The following PRIM1 variants were observed in gnomAD, a reference collection of about 807,000 sequenced individuals.
The protein encoded by PRIM1 is DNA primase small subunit.
In PRIM1, 38 loss-of-function variants were observed where a neutral mutation model predicts 60.2. The observed-to-expected ratio is 0.63, with a 90% CI of 0.49 to 0.83. PRIM1 has a LOEUF of 0.83. Ranked by LOEUF, PRIM1 falls within the 40% of genes least tolerant of loss-of-function variation. PRIM1 has a pLI of 0.00. For synonymous variants in PRIM1, 158 were observed against 160.2 expected (o/e 0.99, Z 0.10); for missense variants, 388 against 506.2 (o/e 0.77, Z 2.24).
chr12:56,745,970 T>C, intron 5 of PRIM1, 75 bp downstream of exon 5: 1 of 1,420,174 alleles, frequency 7.0e-7, no homozygotes, highest in Non-Finnish European at 9.5e-7. Context: ...TTTCATTTTC[T>C]TTGACAGTAA....
intron 11 of PRIM1, among the ~76,000 whole-genome samples, chr12:56,736,629 G>A (rs1953833299): frequency 6.6e-6 from 1 of 151,730 alleles, no homozygotes; most frequent in Non-Finnish European, 1.5e-5. Flanking sequence ...TCAGCCTCCT[G>A]AATAGCTGGG....
chr12:56,734,174 G>A lies in PRIM1; in HGVS notation c.1216C>T (p.Arg406Ter), dbSNP rs770222019. ...CTCTTCTTAAGAAGTTCTCCTTTTC[G>A]GGATTTATCCAGATTTTCAAGAAAA... Reference protein sequence around the residue: ...EHFLENLDKSRKGELLKKSDL... With the variant: ...EHFLENLDKS Residue 406 changes from arginine (R) to a stop codon, truncating the protein, a stop_gained, in exon 12 of 13, where the codon CGA becomes TGA. Coordinates refer to ENST00000338193, the MANE Select transcript of PRIM1 (RefSeq NM_000946.3). LOFTEE classifies it high-confidence loss of function. 3.1e-6 allele frequency: 5 copies of A among 1,606,896 alleles called. No individual in the cohort carries two copies. Among genetic ancestry groups the A allele is most frequent in the East Asian group, 2.2e-5 (1 of 44,758 alleles).
rs1555228415 is a variant in PRIM1, at chr12:56,734,778, T to TATATATATA, written c.1145-534_1145-533insTATATATAT. Among the ~76,000 whole-genome samples the TATATATATA allele has an allele frequency of 3.1e-3, 430 of 140,250 alleles. 4 individuals carry two copies. Among genetic ancestry groups the TATATATATA allele is most frequent in the African/African-American group, 0.011 (408 of 37,262 alleles). The allele number at this position is 140,250 out of a possible 152,430, so 92.0% of individuals were successfully genotyped here. On this transcript the variant is annotated intron_variant, in intron 11 of 12. Coordinates refer to ENST00000338193, the MANE Select transcript of PRIM1 (RefSeq NM_000946.3). ...TCTCTTTCATACAAGTCTTTTATAT[T>TATATATATA]TATATATATATATATAATATATATA...
chr12:56,752,171 C>G, intron 1 of PRIM1, 25 bp downstream of exon 1: 1 of 1,524,640 alleles, frequency 6.6e-7, no homozygotes, highest in Non-Finnish European at 9.0e-7. Context: ...ACTCCGCTCC[C>G]GAACCCATTC....
At chr12:56,732,460 C>A (rs1953791152) in intron 12 of PRIM1, among the ~76,000 whole-genome samples, 1 of 152,142 alleles carries the variant, frequency 6.6e-6, no homozygotes, top group African/African-American at 2.4e-5. Context: ...CGCAGTTGGC[C>A]TCTTGGGCTC....
chr12:56,739,227 A>G (rs1055224829), intron 10 of PRIM1, 67 bp downstream of exon 10: 1 of 1,226,938 alleles, frequency 8.2e-7, no homozygotes, highest in Non-Finnish European at 1.1e-6. Flanking sequence ...TAAGGAGGCT[A>G]ATTCAATTTA....
intron 2 of PRIM1, 33 bp downstream of exon 2, chr12:56,751,005 A>G (rs754416849): frequency 7.4e-7 from 1 of 1,349,440 alleles, no homozygotes; most frequent in Non-Finnish European, 9.7e-7. Context: ...TACAAAATAA[A>G]ACAACAAAAT....
At chr12:56,738,615 G>A (rs933995383) in intron 10 of PRIM1, 90 bp from the exon 11 acceptor site, 5 of 1,367,488 alleles carry the variant, frequency 3.7e-6, no homozygotes, top group South Asian at 2.6e-5. Flanking sequence ...GTGGTGGTGC[G>A]ATCTTGGCTC....
chr12:56,752,247 G>A lies in PRIM1; in HGVS notation c.52C>T (p.Arg18Trp), dbSNP rs1211122780. The change falls in exon 1 of 13, where the codon CGG becomes TGG. Residue 18 changes from arginine to tryptophan, a missense_variant. Physicochemically the swap from Arg to Trp is moderately radical, Grantham distance 101. Around this residue, in one of 3 missense-constraint regions of PRIM1, gnomAD observed 156 missense variants for 175.8 expected, o/e 0.89. Coordinates refer to ENST00000338193, the MANE Select transcript of PRIM1 (RefSeq NM_000946.3). ...ELPELLKLYY[R>W]RLFPYSQYYR... is the part of the protein sequence containing the mutation. ...TACTGAGAGTAGGGAAAGAGCCTCC[G>A]GTAATAAAGTTTAAGCAGCTCGGGC... is the stretch of plus-strand genomic sequence containing the variant. 3 of 1,601,666 alleles carry A rather than the reference G, an allele frequency of 1.9e-6. No individual in the cohort carries two copies. The highest frequency in any genetic ancestry group is 1.1e-5 in the South Asian group (1 of 88,838).
intron 12 of PRIM1, among the ~76,000 whole-genome samples, chr12:56,732,143 T>C (rs1436173213): frequency 6.6e-6 from 1 of 152,240 alleles, no homozygotes; most frequent in African/African-American, 2.4e-5. Context: ...TTGAATAATA[T>C]TCAATCTGCT....
At chr12:56,751,265 C>T in intron 1 of PRIM1, 70 bp from the exon 2 acceptor site, 5 of 1,179,080 alleles carry the variant, frequency 4.2e-6, no homozygotes, top group Non-Finnish European at 5.7e-6. Flanking sequence ...TAATTTTAGC[C>T]AATGAGAAGT....
chr12:56,749,311 T>G (rs1953930006), intron 2 of PRIM1, among the ~76,000 whole-genome samples: 1 of 152,192 alleles, frequency 6.6e-6, no homozygotes, highest in Admixed American at 6.5e-5. Context: ...CCCAGCCTGG[T>G]AGCAGATTTT....
intron 9 of PRIM1, among the ~76,000 whole-genome samples, chr12:56,741,015 T>C (rs999530947): frequency 6.6e-6 from 1 of 152,114 alleles, no homozygotes; most frequent in Non-Finnish European, 1.5e-5. Context: ...TGTTTAGACA[T>C]GTGGCCTAGG....
At chr12:56,742,439 T>C (rs1191275407) in intron 7 of PRIM1, among the ~76,000 whole-genome samples, 1 of 151,842 alleles carries the variant, frequency 6.6e-6, no homozygotes, top group East Asian at 1.9e-4. Context: ...CGTGGTGGCG[T>C]GTGCCTGCAG....
chr12:56,741,965 A>G (rs1953875587), intron 7 of PRIM1, 128 bp from the exon 8 acceptor site: 1 of 965,724 alleles, frequency 1.0e-6, no homozygotes, highest in Non-Finnish European at 1.6e-6. Flanking sequence ...TTGAAATATA[A>G]ATGTTGACTG....
chr12:56,746,986 T>C lies in PRIM1; in HGVS notation c.308A>G (p.Glu103Gly), dbSNP rs757691345. 6 of 1,613,884 alleles carry C rather than the reference T, an allele frequency of 3.7e-6. No homozygotes were observed. The highest frequency in any genetic ancestry group is 4.2e-6 in the Non-Finnish European group (5 of 1,179,846). Residue 103 changes from glutamate (E) to glycine (G), a missense_variant, in exon 3 of 13, where the codon GAA becomes GGA. Glu to Gly is a moderately conservative substitution (Grantham distance 98, BLOSUM62 -2). Coordinates refer to ENST00000338193, the MANE Select transcript of PRIM1 (RefSeq NM_000946.3). Reference sequence around the variant, plus strand: ...GTCAATGTCAAATACCAGTTCTTTTTCCTGAGCCTGGAAAGCTCCCAGCTT... The same window carrying C: ...GTCAATGTCAAATACCAGTTCTTTTCCCTGAGCCTGGAAAGCTCCCAGCTT... ...TVKLGAFQAQ[E>G]KELVFDIDMT... is the part of the protein sequence containing the mutation.
chr12:56,746,015 C>T (rs1953903944), intron 5 of PRIM1, 30 bp downstream of exon 5: 1 of 1,571,800 alleles, frequency 6.4e-7, no homozygotes, highest in Admixed American at 2.0e-5. Flanking sequence ...GAAACTAAAG[C>T]AATGCAAATT....
chr12:56,749,455 G>A (rs946832245), intron 2 of PRIM1, among the ~76,000 whole-genome samples: 3 of 152,140 alleles, frequency 2.0e-5, no homozygotes, highest in African/African-American at 4.8e-5. Flanking sequence ...AAAATGAGAC[G>A]TTTTCTCCCT....
At position 56,738,539 on chromosome 12, in the gene PRIM1, A is replaced by G; in HGVS notation, c.1053-14T>C. On this transcript the variant is annotated splice_polypyrimidine_tract_variant and intron_variant, in intron 10 of 12. Coordinates refer to ENST00000338193, the MANE Select transcript of PRIM1 (RefSeq NM_000946.3). ...CGGCAGATGAAGCTGCAAGTAACAG[A>G]ACAAGAGAATTTTGTTTTTGTTTTT... 1 of 1,563,000 alleles carries G rather than the reference A, an allele frequency of 6.4e-7. No individual in the cohort carries two copies. Among genetic ancestry groups the G allele is most frequent in the Non-Finnish European group, 8.7e-7 (1 of 1,152,822 alleles).
Sources: gnomAD v4.1 joint callset for allele counts (sites outside exome capture counted in the v4.1 genomes callset) on GRCh38, gnomAD v4.1.1 for gene constraint, gnomAD v4.1.1 regional missense constraint, MANE v1.5 for transcripts, NCBI Gene and HGNC (gene_info 2026-07-23, HGNC 2026-07-21) for gene names.